The following DNM2 variants were observed in gnomAD, a reference collection of about 807,000 sequenced individuals.
DNM2 encodes dynamin 2.
In DNM2, 15 loss-of-function variants were observed where a neutral mutation model predicts 99.0. The ratio of observed to expected loss-of-function variants is 0.15; its 90% CI spans 0.10 to 0.23. The LOEUF (loss-of-function observed/expected upper bound fraction) is 0.23. DNM2 is among the 10% of genes least tolerant of loss of function. The probability of loss-of-function intolerance (pLI) is 1.00; values close to 1 mark genes in which losing one functional copy is unlikely to be tolerated. For synonymous variants in DNM2, 525 were observed against 481.2 expected, an observed-to-expected ratio of 1.09 and a Z score of -1.19; for missense variants, 742 against 1,189.4, an observed-to-expected ratio of 0.62 and a Z score of 5.53.
intron 1 of DNM2, among the ~76,000 whole-genome samples, chr19:10,728,198 T>C (rs549915029): frequency 1.7e-3 from 259 of 152,298 alleles, no homozygotes; most frequent in Middle Eastern, 0.01. Flanking sequence ...TAAGAGCCAG[T>C]GTTTATGGAG....
chr19:10,797,526 G>C lies in DNM2; in HGVS notation c.1335+8G>C, dbSNP rs905687897. The C allele has an allele frequency of 8.1e-6, 13 of 1,613,898 alleles. No individual in the cohort carries two copies. Among genetic ancestry groups the C allele is most frequent in the Admixed American group, 5.0e-5 (3 of 59,972 alleles). The stretch of plus-strand genomic sequence containing the variant: ...AAAAAGTGTGCCGAGAAGGTAACAG[G>C]TTTTGTTCTCATCTCCGCATTTGTC... On this transcript the variant is annotated splice_region_variant and intron_variant, in intron 10 of 20. Transcript: ENST00000389253.
intron 1 of DNM2, among the ~76,000 whole-genome samples, chr19:10,746,269 G>A (rs992888602): frequency 2.7e-5 from 4 of 148,310 alleles, no homozygotes; most frequent in Non-Finnish European, 4.5e-5. Context: ...CCTTTTTGCT[G>A]TTTCTTGACC....
At position 10,818,622 on chromosome 19, in the gene DNM2, C is replaced by T. The variant is rs2072859174; in HGVS notation, c.1672-1358C>T. 1.3e-5 allele frequency among the ~76,000 whole-genome samples: 2 copies of T among 152,220 alleles called. No homozygotes were observed. The highest frequency in any genetic ancestry group is 4.1e-4 in the South Asian group (2 of 4,828). ...GCAAAGTCCTGACAGTCCCAGCTGG[C>T]CCCCACTTGCCAGGGAGCCCCCGCT... On this transcript the variant is annotated intron_variant, in intron 15 of 20. Transcript: ENST00000389253. The surrounding 1 kb of genome is among the most constrained non-coding windows in gnomAD (Gnocchi z 4.3).
In DNM2 at chr19:10,802,277, C is replaced by A; in HGVS notation, c.1423-11C>A. The A allele has an allele frequency of 6.2e-7, 1 of 1,614,134 alleles. No homozygotes were observed. The highest frequency in any genetic ancestry group is 1.1e-5 in the South Asian group (1 of 91,088). On this transcript the variant is annotated splice_polypyrimidine_tract_variant and intron_variant, in intron 11 of 20. Transcript: ENST00000389253. ...GGCCTTGTACTCACAGTGACCCCCG[C>A]TCTCCCCCAGATTCTTCTGCTGATC...
intron 4 of DNM2, among the ~76,000 whole-genome samples, chr19:10,776,773 A>G (rs2071170599): frequency 6.6e-6 from 1 of 152,236 alleles, no homozygotes; most frequent in East Asian, 1.9e-4. Flanking sequence ...GCACTTGGAA[A>G]GTCCAGCATC....
intron 1 of DNM2, among the ~76,000 whole-genome samples, chr19:10,724,598 G>A (rs1025828604): frequency 1.3e-5 from 2 of 152,204 alleles, no homozygotes; most frequent in South Asian, 2.1e-4. Context: ...GTGGGAGGAT[G>A]CCCGGAGGCC....
At chr19:10,731,306 T>C (rs1228858539) in intron 1 of DNM2, among the ~76,000 whole-genome samples, 1 of 151,830 alleles carries the variant, frequency 6.6e-6, no homozygotes, top group Non-Finnish European at 1.5e-5. Flanking sequence ...GCCAGGATCC[T>C]GCAGCCACCA....
chr19:10,724,435 C>G (rs1311950908), intron 1 of DNM2, among the ~76,000 whole-genome samples: 1 of 152,106 alleles, frequency 6.6e-6, no homozygotes, highest in Non-Finnish European at 1.5e-5. Context: ...CCTCGGCCTC[C>G]CAAAGTGCTG....
In DNM2 at chr19:10,783,183, A is replaced by G. The variant is rs1426038541; in HGVS notation, c.849+63A>G. ...GGCTGTGCACTGCACAACAGCTGCA[A>G]TCCTCACTGGCACTTGTTTCAGGCT... On this transcript the variant is annotated intron_variant, in intron 6 of 20. Coordinates refer to ENST00000389253, the MANE Select transcript of DNM2 (RefSeq NM_001005361.3). 1.1e-5 allele frequency: 18 copies of G among 1,592,678 alleles called. No homozygotes were observed. In the East Asian group the frequency reaches 1.8e-4, roughly 16 times the overall value.
chr19:10,800,132 C>T (rs1289004549), intron 11 of DNM2, among the ~76,000 whole-genome samples: 2 of 152,234 alleles, frequency 1.3e-5, no homozygotes, highest in Non-Finnish European at 2.9e-5. Context: ...GCTGGGATGA[C>T]AGGTGTGAGC....
At chr19:10,751,217 C>T (rs2031603199) in intron 1 of DNM2, among the ~76,000 whole-genome samples, 1 of 152,070 alleles carries the variant, frequency 6.6e-6, no homozygotes, top group South Asian at 2.1e-4. Flanking sequence ...CAAGGTTACC[C>T]TGTCTTACTG....
chr19:10,742,909 CTTTCTTTTTTTT>C lies in DNM2; in HGVS notation c.162-16825_162-16814del, dbSNP rs1476501635. 2.1e-5 allele frequency among the ~76,000 whole-genome samples: 3 copies of C among 145,936 alleles called. No homozygotes were observed. The East Asian group carries it at 6.3e-4, about 31-fold the overall frequency. On this transcript the variant is annotated intron_variant, in intron 1 of 20. Transcript: ENST00000389253. ...GCCCTGGAGATGCTAGCTTGTTTTT[CTTTCTTTTTTTT>C]TTTTTTTTTTGAGACAGAGTCTCCC...
chr19:10,725,167 G>T (rs1353291040), intron 1 of DNM2, among the ~76,000 whole-genome samples: 1 of 152,234 alleles, frequency 6.6e-6, no homozygotes, highest in African/African-American at 2.4e-5. Flanking sequence ...GCCATACATG[G>T]CCGGGCATGG....
rs2073343099 is a variant in DNM2, at chr19:10,831,310, G to C, written c.*263G>C. 1 of 1,267,200 alleles carries C rather than the reference G, an allele frequency of 7.9e-7. No homozygotes were observed. The highest frequency in any genetic ancestry group is 2.5e-5 in the South Asian group (1 of 40,426). The allele number at this position is 1,267,200 out of a possible 1,614,324, so 78.5% of individuals were successfully genotyped here. A position where few individuals can be genotyped will look rare whatever the true frequency, so the allele number is the denominator to read the frequency against. Reference sequence around the variant, plus strand: ...ATGGAGTCTCAGGGTGGCAGAGGGGGGACCAGAACCCTTGACACCATCCTG... The same window carrying C: ...ATGGAGTCTCAGGGTGGCAGAGGGGCGACCAGAACCCTTGACACCATCCTG... On this transcript the variant is annotated 3_prime_UTR_variant, in exon 21 of 21. Transcript: ENST00000389253. This position sits in a 1 kb window ranked among gnomAD's most constrained non-coding sequence, Gnocchi z 4.3.
intron 1 of DNM2, among the ~76,000 whole-genome samples, chr19:10,722,461 T>A (rs1303007031): frequency 6.6e-6 from 1 of 152,118 alleles, no homozygotes; most frequent in Non-Finnish European, 1.5e-5. Flanking sequence ...TCCCGCACCC[T>A]AGCCTCCCGA....
chr19:10,808,138 A>G (rs1225775291), intron 13 of DNM2, among the ~76,000 whole-genome samples: 1 of 149,466 alleles, frequency 6.7e-6, no homozygotes, highest in African/African-American at 2.5e-5. Context: ...GCGAGACTCC[A>G]TATCAGGAAA....
At chr19:10,746,374 G>A (rs1039382010) in intron 1 of DNM2, among the ~76,000 whole-genome samples, 68 of 152,268 alleles carry the variant, frequency 4.5e-4, no homozygotes, top group African/African-American at 1.5e-3. Flanking sequence ...CTGTCAAACC[G>A]TCAAATGTTA....
intron 19 of DNM2, among the ~76,000 whole-genome samples, chr19:10,829,810 G>C (rs1273723891): frequency 2.6e-5 from 4 of 152,270 alleles, no homozygotes; most frequent in African/African-American, 9.6e-5. Context: ...GAGGGAATCT[G>C]GATGTCTGGA....
In DNM2 at chr19:10,796,528, C is replaced by A. The variant is rs190040266; in HGVS notation, c.1197-852C>A. Among the ~76,000 whole-genome samples, 15 of 152,248 alleles carry A rather than the reference C, an allele frequency of 9.9e-5. No homozygotes were observed. The East Asian group carries it at 2.9e-3, about 29-fold the overall frequency. On this transcript the variant is annotated intron_variant, in intron 9 of 20. Transcript: ENST00000389253. This position sits in a 1 kb window ranked among gnomAD's most constrained non-coding sequence, Gnocchi z 5.6. The stretch of plus-strand genomic sequence containing the variant: ...TGCCTCCTGGGAAGCAGAGAGGGAC[C>A]CCCCGCGTCAACTGCTGGAGGCTGA...
Sources: gnomAD v4.1 joint callset for allele counts (sites outside exome capture counted in the v4.1 genomes callset) on GRCh38, gnomAD v4.1.1 for gene constraint, Gnocchi (gnomAD v3.1) non-coding constraint, MANE v1.5 for transcripts, NCBI Gene and HGNC (gene_info 2026-07-23, HGNC 2026-07-21) for gene names.